The following DENND1B variants were observed in gnomAD, a reference collection of about 807,000 sequenced individuals.
DENND1B encodes DENN domain containing 1B, also known as DENN domain-containing protein 1B.
In DENND1B, 59 loss-of-function variants were observed where a neutral mutation model predicts 90.1. That is an observed-to-expected ratio of 0.65 (90% confidence interval 0.53 to 0.81). The LOEUF is 0.81. DENND1B is among the 40% of genes least tolerant of loss of function. DENND1B has a pLI of 0.00. For missense variants in DENND1B, 862 were observed against 912.6 expected, an observed-to-expected ratio of 0.94 and a Z score of 0.71; for synonymous variants, 337 against 324.6, an observed-to-expected ratio of 1.04 and a Z score of -0.41.
At chr1:197,693,877 A>G (rs920407482) in intron 3 of DENND1B, among the ~76,000 whole-genome samples, 7 of 151,552 alleles carry the variant, frequency 4.6e-5, no homozygotes, top group Non-Finnish European at 7.4e-5. Context: ...ATTAAGCCTT[A>G]TAACAATAAC....
chr1:197,637,969 C>T (rs1679941659), intron 10 of DENND1B, among the ~76,000 whole-genome samples: 1 of 152,216 alleles, frequency 6.6e-6, no homozygotes, highest in Non-Finnish European at 1.5e-5. Context: ...AATGCTGACA[C>T]AGGTGGCTCC....
intron 15 of DENND1B, among the ~76,000 whole-genome samples, chr1:197,554,098 TATACACACAC>T (rs1201358414): frequency 2.1e-4 from 21 of 98,410 alleles, no homozygotes; most frequent in African/African-American, 6.0e-4. Context: ...AATCAATGAT[TATACACACAC>T]ACACACACAC....
chr1:197,550,144 A>T (rs1671107754), intron 16 of DENND1B, among the ~76,000 whole-genome samples: 1 of 152,122 alleles, frequency 6.6e-6, no homozygotes, highest in South Asian at 2.1e-4. Flanking sequence ...GTTAATGTTA[A>T]TTTCTGCCAC....
intron 2 of DENND1B, among the ~76,000 whole-genome samples, chr1:197,724,320 T>C (rs1272135434): frequency 6.6e-6 from 1 of 152,118 alleles, no homozygotes; most frequent in Non-Finnish European, 1.5e-5. Context: ...AATTAAACCA[T>C]GCATGACCTT....
chr1:197,550,265 T>G (rs1353257562), intron 16 of DENND1B, among the ~76,000 whole-genome samples: 1 of 152,162 alleles, frequency 6.6e-6, no homozygotes, highest in Non-Finnish European at 1.5e-5. Flanking sequence ...TACTCTTGTT[T>G]ACTGAATGTT....
intron 14 of DENND1B, among the ~76,000 whole-genome samples, chr1:197,591,839 G>C (rs1675235672): frequency 6.6e-6 from 1 of 151,942 alleles, no homozygotes; most frequent in African/African-American, 2.4e-5. Context: ...GGCCGGGCGC[G>C]GTAGCTCACG....
chr1:197,642,523 G>C (rs1680353237), intron 10 of DENND1B, among the ~76,000 whole-genome samples, 188 bp downstream of exon 10: 1 of 152,168 alleles, frequency 6.6e-6, no homozygotes, highest in African/African-American at 2.4e-5. Flanking sequence ...CTGACTTAAT[G>C]CATCTGAGAA....
intron 18 of DENND1B, among the ~76,000 whole-genome samples, chr1:197,543,339 G>C (rs1197002416): frequency 6.6e-6 from 1 of 151,982 alleles, no homozygotes; most frequent in Admixed American, 6.6e-5. Flanking sequence ...ATAATGAATA[G>C]GGTTTTGAAC....
chr1:197,541,954 T>C (rs1244239408), intron 18 of DENND1B, among the ~76,000 whole-genome samples: 2 of 152,214 alleles, frequency 1.3e-5, no homozygotes, highest in East Asian at 1.9e-4. Context: ...TGTCAGTCTC[T>C]TCCATGGTTC....
chr1:197,756,964 A>G (rs1230500053), intron 2 of DENND1B, among the ~76,000 whole-genome samples: 1 of 150,546 alleles, frequency 6.6e-6, no homozygotes, highest in Non-Finnish European at 1.5e-5. Context: ...CTGTGACACT[A>G]TGCCATTATA....
At chr1:197,547,201 A>G (rs1324359259) in intron 16 of DENND1B, among the ~76,000 whole-genome samples, 1 of 151,944 alleles carries the variant, frequency 6.6e-6, no homozygotes, top group Non-Finnish European at 1.5e-5. Flanking sequence ...CCAGGAGTTC[A>G]AGGTTGCAGT....
At chr1:197,550,807 T>TA (rs879793785) in intron 16 of DENND1B, among the ~76,000 whole-genome samples, 1,631 of 140,946 alleles carry the variant, frequency 0.012, 22 homozygotes, top group African/African-American at 0.039. Context: ...AAACTTTAAT[T>TA]AAAAAAAAAA....
At chr1:197,587,600 G>A (rs1433975272) in intron 14 of DENND1B, among the ~76,000 whole-genome samples, 2 of 152,114 alleles carry the variant, frequency 1.3e-5, no homozygotes, top group Non-Finnish European at 2.9e-5. Context: ...AACTCTGGAG[G>A]TCGGGGACTA....
chr1:197,772,953 T>C (rs1268178986), intron 1 of DENND1B, 21 bp from the exon 2 acceptor site: 2 of 1,540,622 alleles, frequency 1.3e-6, no homozygotes, highest in Non-Finnish European at 1.8e-6. Flanking sequence ...AAAGTTTAAA[T>C]TAATTTCCTA....
intron 15 of DENND1B, among the ~76,000 whole-genome samples, chr1:197,560,151 C>A (rs528246685): frequency 3.3e-5 from 5 of 151,942 alleles, no homozygotes; most frequent in African/African-American, 9.6e-5. Context: ...AAGGATATGT[C>A]AATTGACATT....
chr1:197,538,391 A>G (rs1423076431), intron 20 of DENND1B, among the ~76,000 whole-genome samples: 1 of 152,158 alleles, frequency 6.6e-6, no homozygotes, highest in African/African-American at 2.4e-5. Context: ...CAGTAACAAG[A>G]AAAGGTTTCT....
intron 15 of DENND1B, among the ~76,000 whole-genome samples, chr1:197,560,200 G>T (rs1224686674): frequency 6.6e-6 from 1 of 151,810 alleles, no homozygotes; most frequent in African/African-American, 2.4e-5. Context: ...TGAACCTTAT[G>T]ATCACCAGAC....
intron 11 of DENND1B, among the ~76,000 whole-genome samples, chr1:197,615,914 T>C (rs1677607862): frequency 6.6e-6 from 1 of 150,920 alleles, no homozygotes; most frequent in African/African-American, 2.4e-5. Context: ...TTCCAGGGAC[T>C]GAAATATGAA....
chr1:197,656,196 A>C (rs576481147), intron 6 of DENND1B, among the ~76,000 whole-genome samples: 1 of 152,172 alleles, frequency 6.6e-6, no homozygotes, highest in South Asian at 2.1e-4. Flanking sequence ...AATACCCATA[A>C]ATAGTATCTA....
Sources: gnomAD v4.1 joint callset for allele counts (sites outside exome capture counted in the v4.1 genomes callset) on GRCh38, gnomAD v4.1.1 for gene constraint, MANE v1.5 for transcripts, NCBI Gene and HGNC (gene_info 2026-07-23, HGNC 2026-07-21) for gene names.